Variants in FRMD4B observed in about 807,000 individuals in gnomAD.
The protein encoded by FRMD4B is FERM domain containing 4B, also known as FERM domain-containing protein 4B.
FRMD4B carries 74 observed loss-of-function variants against 141.5 expected under a neutral mutation model. The observed-to-expected ratio is 0.52, with a 90% CI of 0.43 to 0.63. The LOEUF is 0.63. Ranked by LOEUF, FRMD4B falls within the 30% of genes least tolerant of loss-of-function variation. FRMD4B has a pLI of 0.00. For missense variants in FRMD4B, 1,366 were observed against 1,253.4 expected (o/e 1.09, Z -1.36); for synonymous variants, 506 against 467.9 (o/e 1.08, Z -1.05).
At chr3:69,442,604 G>A (rs1705358377) in intron 1 of FRMD4B, among the ~76,000 whole-genome samples, 1 of 152,000 alleles carries the variant, frequency 6.6e-6, no homozygotes. Context: ...ACTAGGTTAA[G>A]GCAATTTAAT....
intron 1 of FRMD4B, among the ~76,000 whole-genome samples, chr3:69,350,234 C>G (rs1358664358): frequency 6.6e-6 from 1 of 152,218 alleles, no homozygotes; most frequent in Non-Finnish European, 1.5e-5. Context: ...TGCTCATCAT[C>G]ACTGGCCATC....
At position 69,195,060 on chromosome 3, in the gene FRMD4B, C is replaced by T; in HGVS notation, c.1450G>A (p.Ala484Thr). 1 of 1,613,874 alleles carries T rather than the reference C, an allele frequency of 6.2e-7. No individual in the cohort carries two copies. Among genetic ancestry groups the T allele is most frequent in the Non-Finnish European group, 8.5e-7 (1 of 1,179,740 alleles). ...AGCAAGTTGTCATCTAATTTGAACG[C>T]AGTACCCACACGTCTTCTGACCTGA... ...PPQVRRRVGT[A>T]FKLDDNLLPS... Residue 484 changes from alanine (A) to threonine (T), a missense_variant, in exon 16 of 23, where the codon GCG (alanine) becomes ACG (threonine). Coordinates refer to ENST00000398540, the MANE Select transcript of FRMD4B (RefSeq NM_015123.3).
rs983981639 is a variant in FRMD4B at position 69,302,315 on chromosome 3, G to C, written c.416+28C>G. 7.5e-6 allele frequency: 9 copies of C among 1,198,418 alleles called. No homozygotes were observed. The South Asian group carries it at 1.0e-4, about 14-fold the overall frequency. 74.2% of individuals were successfully genotyped at this position (1,198,418 alleles called of 1,614,324 possible). A position where few individuals can be genotyped will look rare whatever the true frequency, so the allele number is the denominator to read the frequency against. ...CCAAAAATAACAGCAAAAAAAGAGGGATGCTAACTGGGTCTGTGGATACAT... is the reference window on the plus strand; with the variant it reads ...CCAAAAATAACAGCAAAAAAAGAGGCATGCTAACTGGGTCTGTGGATACAT... On this transcript the variant is annotated intron_variant, in intron 4 of 22. Coordinates refer to ENST00000398540, the MANE Select transcript of FRMD4B (RefSeq NM_015123.3).
intron 1 of FRMD4B, among the ~76,000 whole-genome samples, chr3:69,515,138 G>C (rs1700731009): frequency 6.6e-6 from 1 of 152,112 alleles, no homozygotes; most frequent in Admixed American, 6.6e-5. Context: ...GCAGGAACAG[G>C]AGCAAGAGAG....
At chr3:69,348,300 G>C (rs951141074) in intron 1 of FRMD4B, among the ~76,000 whole-genome samples, 3 of 152,000 alleles carry the variant, frequency 2.0e-5, no homozygotes, top group Admixed American at 6.6e-5. Context: ...TTGAATCCCT[G>C]AAAAAGACCA....
chr3:69,540,891 A>G (rs1038365662), intron 1 of FRMD4B, among the ~76,000 whole-genome samples: 1 of 151,912 alleles, frequency 6.6e-6, no homozygotes, highest in Admixed American at 6.6e-5. Flanking sequence ...TGGATTATGG[A>G]TGATGCCCCA....
chr3:69,367,983 T>TAAA (rs1300827365), intron 1 of FRMD4B, among the ~76,000 whole-genome samples: 2 of 152,248 alleles, frequency 1.3e-5, no homozygotes, highest in Non-Finnish European at 2.9e-5. Context: ...TAATTTCACC[T>TAAA]ATATGACATA....
chr3:69,484,121 G>C (rs1706175893), intron 1 of FRMD4B, among the ~76,000 whole-genome samples: 1 of 152,180 alleles, frequency 6.6e-6, no homozygotes, highest in African/African-American at 2.4e-5. Context: ...GCAAGGCGTA[G>C]GATGTTTTGA....
chr3:69,522,283 C>G (rs1306473340), intron 1 of FRMD4B, among the ~76,000 whole-genome samples: 1 of 152,016 alleles, frequency 6.6e-6, no homozygotes, highest in East Asian at 1.9e-4. Flanking sequence ...TGATTCATAA[C>G]TTTTTTTCTA....
intron 5 of FRMD4B, among the ~76,000 whole-genome samples, chr3:69,281,779 G>A (rs569235572): frequency 1.3e-5 from 2 of 148,892 alleles, no homozygotes; most frequent in Non-Finnish European, 3.0e-5. Flanking sequence ...AGCTGAGATC[G>A]CACCACTGCA....
chr3:69,267,612 TATATATATATATATATATATATATAGAG>T (rs2093570430), intron 5 of FRMD4B, among the ~76,000 whole-genome samples: 2 of 87,844 alleles, frequency 2.3e-5, no homozygotes, highest in South Asian at 4.3e-4. Flanking sequence ...TATATATATA[TATATATATATATATATATATATATAGAG>T]AGAGAGAGAG....
intron 7 of FRMD4B, among the ~76,000 whole-genome samples, chr3:69,238,841 G>C (rs1380289840): frequency 6.6e-6 from 1 of 152,086 alleles, no homozygotes; most frequent in Non-Finnish European, 1.5e-5. Context: ...ATAAACCAAA[G>C]ATTTTACCAA....
At chr3:69,352,500 C>A (rs528507495) in intron 1 of FRMD4B, among the ~76,000 whole-genome samples, 1 of 152,264 alleles carries the variant, frequency 6.6e-6, no homozygotes, top group South Asian at 2.1e-4. Flanking sequence ...CCTTCTATCC[C>A]CAGGAGTTTT....
At chr3:69,184,869 T>C (rs2092748128) in intron 19 of FRMD4B, among the ~76,000 whole-genome samples, 1 of 152,194 alleles carries the variant, frequency 6.6e-6, no homozygotes, top group Admixed American at 6.5e-5. Flanking sequence ...ATTTTAAATT[T>C]TATTTACTTT....
Position 69,181,478 on chromosome 3 carries a change from T to C in FRMD4B, c.2272A>G (p.Thr758Ala), listed in dbSNP as rs931127018. ...GACCTCCTCCGACCCCTGGTGCGAG[T>C]GTCCAGGGTCTGGGTGGTGTAATAG... ...GPYYTTQTLD[T>A]RTRGRRRSKK... is the part of the protein sequence containing the mutation. Residue 758 changes from threonine (T) to alanine (A), a missense_variant, in exon 21 of 23, where the codon ACT becomes GCT. Transcript: ENST00000398540. 1 of 1,613,308 alleles carries C rather than the reference T, an allele frequency of 6.2e-7. No homozygotes were observed. The highest frequency in any genetic ancestry group is 2.2e-5 in the East Asian group (1 of 44,866).
intron 1 of FRMD4B, among the ~76,000 whole-genome samples, chr3:69,440,473 T>C (rs2106860975): frequency 6.6e-6 from 1 of 152,342 alleles, no homozygotes; most frequent in Non-Finnish European, 1.5e-5. Flanking sequence ...ATAGAGGAAC[T>C]CCTAATCTTT....
chr3:69,452,354 G>A (rs1042644299), intron 1 of FRMD4B, among the ~76,000 whole-genome samples: 9 of 152,234 alleles, frequency 5.9e-5, no homozygotes, highest in African/African-American at 2.2e-4. Context: ...AGTAGAAAGG[G>A]CATGTGATTT....
At chr3:69,241,868 CA>C (rs555236685) in intron 7 of FRMD4B, among the ~76,000 whole-genome samples, 1 of 142,506 alleles carries the variant, frequency 7.0e-6, no homozygotes, top group East Asian at 2.0e-4. Context: ...GGATCCATCT[CA>C]AAAAAACAAA....
intron 7 of FRMD4B, among the ~76,000 whole-genome samples, chr3:69,231,185 G>A (rs187109946): frequency 2.6e-5 from 4 of 152,238 alleles, no homozygotes; most frequent in Non-Finnish European, 5.9e-5. Context: ...CATGAGGAAA[G>A]AGGGAATTTT....
Sources: gnomAD v4.1 joint callset for allele counts (sites outside exome capture counted in the v4.1 genomes callset) on GRCh38, gnomAD v4.1.1 for gene constraint, MANE v1.5 for transcripts, NCBI Gene and HGNC (gene_info 2026-07-23, HGNC 2026-07-21) for gene names.